Variants in PDAP1 observed in about 807,000 individuals in gnomAD.
The protein encoded by PDAP1 is PDGFA associated protein 1, also known as 28 kDa heat- and acid-stable phosphoprotein.
Under a neutral mutation model 28.0 loss-of-function variants are expected in PDAP1, and 13 were observed. The observed-to-expected ratio is 0.46, with a 90% CI of 0.30 to 0.74. The LOEUF (loss-of-function observed/expected upper bound fraction) is 0.74, where lower values mean the gene tolerates loss of function less well. Ranked by LOEUF, PDAP1 falls within the 30% of genes least tolerant of loss-of-function variation. The probability of loss-of-function intolerance (pLI) is 0.07; values close to 1 mark genes in which losing one functional copy is unlikely to be tolerated. For synonymous variants in PDAP1, 77 were observed against 85.1 expected (o/e 0.91, Z 0.52); for missense variants, 150 against 230.0 (o/e 0.65, Z 2.25).
chr7:99,405,099 C>A, intron 1 of PDAP1, 146 bp from the exon 2 acceptor site: 1 of 608,854 alleles, frequency 1.6e-6, no homozygotes, highest in Non-Finnish European at 2.9e-6. Context: ...CTCCGCCACC[C>A]TCATGTGTTC....
chr7:99,400,514 A>T (rs1457845446), intron 3 of PDAP1, 90 bp from the exon 4 acceptor site: 18 of 1,490,378 alleles, frequency 1.2e-5, no homozygotes, highest in Non-Finnish European at 1.4e-5. Context: ...GCCCATCTGG[A>T]TGAGGACAAA....
At chr7:99,396,850 C>T in intron 5 of PDAP1, 110 bp from the exon 6 acceptor site, 1 of 852,326 alleles carries the variant, frequency 1.2e-6, no homozygotes, top group East Asian at 2.5e-5. Context: ...AGAAAACATT[C>T]TGTGCAACAG....
chr7:99,405,005 G>T, intron 1 of PDAP1, 52 bp from the exon 2 acceptor site: 1 of 1,346,398 alleles, frequency 7.4e-7, no homozygotes, highest in Non-Finnish European at 1.1e-6. Context: ...TGACTGCTCT[G>T]ACCCCCAGAG....
intron 1 of PDAP1, 97 bp downstream of exon 1, chr7:99,408,439 G>T: frequency 8.6e-7 from 1 of 1,158,508 alleles, no homozygotes; most frequent in Non-Finnish European, 1.1e-6. Flanking sequence ...GCCTCCCTCT[G>T]CGCTGCTCTC....
At chr7:99,401,640 G>A (rs1227352056) in intron 3 of PDAP1, among the ~76,000 whole-genome samples, 1 of 151,526 alleles carries the variant, frequency 6.6e-6, no homozygotes, top group Non-Finnish European at 1.5e-5. Flanking sequence ...TTTCTGATCT[G>A]AACACTGCTC....
chr7:99,398,896 T>A (rs1381341993), intron 4 of PDAP1, among the ~76,000 whole-genome samples: 2 of 152,164 alleles, frequency 1.3e-5, no homozygotes, highest in African/African-American at 4.8e-5. Context: ...ATGGGAATAA[T>A]TGCTGGGCTC....
At chr7:99,403,580 C>T (rs982911219) in intron 2 of PDAP1, 75 bp from the exon 3 acceptor site, 2 of 942,670 alleles carry the variant, frequency 2.1e-6, no homozygotes, top group African/African-American at 1.6e-5. Flanking sequence ...TATCACCCCC[C>T]AGACTGTGGA....
At position 99,403,497 on chromosome 7, in the gene PDAP1, C is replaced by T. The variant is rs1190269308; in HGVS notation, c.114G>A (p.Glu38=). 2.5e-6 allele frequency: 4 copies of T among 1,607,040 alleles called. No homozygotes were observed. Among genetic ancestry groups the T allele is most frequent in the Non-Finnish European group, 3.4e-6 (4 of 1,173,700 alleles). ...QAEKQKAREE[E]EQKEGGDGAA... is the part of the protein sequence containing the mutation. ...CCCCATCTCCACCTTCTTTTTGCTC[C>T]TCTTCTTCCTGTTTCAGAAATGGAC... is the stretch of plus-strand genomic sequence containing the variant. The change falls in exon 3 of 6, where the codon GAG becomes GAA. Residue 38 remains glutamate, a synonymous_variant. Coordinates refer to ENST00000350498, the MANE Select transcript of PDAP1 (RefSeq NM_014891.7).
chr7:99,397,879 T>G lies in PDAP1; in HGVS notation c.470A>C (p.Lys157Thr). Residue 157 changes from lysine (K) to threonine (T), a missense_variant, in exon 5 of 6, where the codon AAG becomes ACG. By Grantham distance (78) the Lys-to-Thr change is moderately conservative. Coordinates refer to ENST00000350498, the MANE Select transcript of PDAP1 (RefSeq NM_014891.7). ...GCCCTTACCTTTCCTTTCCTCTTCC[T>G]TCTTCCGGGCAGCCTCCTCCCGCTG... The part of the protein sequence containing the change: ...RKQREEAARK[K>T]EEERKAKDDA... 2 of 1,613,076 alleles carry G rather than the reference T, an allele frequency of 1.2e-6. No homozygotes were observed. Among genetic ancestry groups the G allele is most frequent in the Non-Finnish European group, 1.7e-6 (2 of 1,180,036 alleles).
rs909788198 is a variant in PDAP1 at position 99,404,808 on chromosome 7, T to C, written c.105+54A>G. 8 of 1,449,822 alleles carry C rather than the reference T, an allele frequency of 5.5e-6. No homozygotes were observed. In the Admixed American group the frequency reaches 8.8e-5, roughly 16 times the overall value. 89.8% of individuals were successfully genotyped at this position (1,449,822 alleles called of 1,614,324 possible). On this transcript the variant is annotated intron_variant, in intron 2 of 5. Transcript: ENST00000350498. ...TTGCCTGGCCTCTCTATGAACCAAA[T>C]TGGCAAAGCGCCACCCTGGGCCACT... is the stretch of plus-strand genomic sequence containing the variant.
At chr7:99,406,476 C>T (rs1284721088) in intron 1 of PDAP1, 3 of 720,642 alleles carry the variant, frequency 4.2e-6, no homozygotes, top group Non-Finnish European at 5.1e-6. Context: ...TAAGAAATGA[C>T]TGGCAAAGTA....
intron 3 of PDAP1, among the ~76,000 whole-genome samples, chr7:99,402,721 A>G (rs896457833): frequency 7.3e-5 from 11 of 151,644 alleles, no homozygotes; most frequent in Non-Finnish European, 1.6e-4. Context: ...TCTCTACTAA[A>G]AATACAAAAA....
At chr7:99,404,273 A>G (rs779336220) in intron 2 of PDAP1, among the ~76,000 whole-genome samples, 1 of 152,060 alleles carries the variant, frequency 6.6e-6, no homozygotes, top group Non-Finnish European at 1.5e-5. Context: ...CATCAATCTA[A>G]TGATATGGTA....
intron 4 of PDAP1, 122 bp downstream of exon 4, chr7:99,400,180 GC>G (rs1584419501): frequency 9.7e-7 from 1 of 1,030,760 alleles, no homozygotes; most frequent in East Asian, 2.5e-5. Flanking sequence ...CTACTGGAGG[GC>G]CATTGGGGAA....
intron 4 of PDAP1, 69 bp downstream of exon 4, chr7:99,400,234 C>T: frequency 6.4e-7 from 1 of 1,570,450 alleles, no homozygotes; most frequent in Non-Finnish European, 8.7e-7. Flanking sequence ...CAGCTGGGGA[C>T]CTTAGCATCC....
chr7:99,401,335 T>G (rs1794862247), intron 3 of PDAP1, among the ~76,000 whole-genome samples: 1 of 150,834 alleles, frequency 6.6e-6, no homozygotes, highest in Non-Finnish European at 1.5e-5. Context: ...AGCCACGATT[T>G]TTTTTCTTTT....
chr7:99,396,874 C>T (rs1056297601), intron 5 of PDAP1, 134 bp from the exon 6 acceptor site: 7 of 696,510 alleles, frequency 1.0e-5, no homozygotes, highest in African/African-American at 3.6e-5. Context: ...AGAGCCGAGG[C>T]GTGGGAGAGG....
intron 1 of PDAP1, among the ~76,000 whole-genome samples, chr7:99,406,177 AG>A (rs1459901017): frequency 2.0e-5 from 3 of 152,158 alleles, no homozygotes; most frequent in Admixed American, 6.5e-5. Flanking sequence ...TGAACCCAGG[AG>A]GCAGAGGTTG....
At chr7:99,397,477 A>G (rs1794789083) in intron 5 of PDAP1, among the ~76,000 whole-genome samples, 2 of 152,144 alleles carry the variant, frequency 1.3e-5, no homozygotes, top group Admixed American at 1.3e-4. Context: ...CTGCAGATGG[A>G]CAGCGGTGAC....
Sources: allele counts gnomAD v4.1 joint callset (sites outside exome capture counted in the v4.1 genomes callset), GRCh38; gene constraint gnomAD v4.1.1; transcripts MANE v1.5; gene names NCBI Gene and HGNC (gene_info 2026-07-23, HGNC 2026-07-21).